TMC7: variants seen among roughly 807,000 people sequenced by gnomAD.
TMC7 encodes transmembrane channel like 7, also known as transmembrane channel-like protein 7.
Under a neutral mutation model 82.9 loss-of-function variants are expected in TMC7, and 54 were observed. That is an observed-to-expected ratio of 0.65 (90% CI 0.52 to 0.82). The LOEUF (loss-of-function observed/expected upper bound fraction) is 0.82, where lower values mean the gene tolerates loss of function less well. Ranked by LOEUF, TMC7 falls within the 40% of genes least tolerant of loss-of-function variation. The pLI is 0.00. For missense variants in TMC7, 820 were observed against 901.2 expected (o/e 0.91, Z 1.15); for synonymous variants, 350 against 337.9 (o/e 1.04, Z -0.39).
rs1959979324 is a variant in TMC7, at chr16:19,021,626, C to A, written c.461-3C>A. On this transcript the variant is annotated splice_polypyrimidine_tract_variant and splice_region_variant and intron_variant, in intron 3 of 15. Coordinates refer to ENST00000304381, the MANE Select transcript of TMC7 (RefSeq NM_024847.4). ...CAGTGATGTCCGGGTTTGTTTTTTC[C>A]AGGGAAATTTGGCACTGGGATTCAG... is the stretch of plus-strand genomic sequence containing the variant. The A allele has an allele frequency of 6.2e-7, 1 of 1,613,530 alleles. No individual in the cohort carries two copies. Among genetic ancestry groups the A allele is most frequent in the Non-Finnish European group, 8.5e-7 (1 of 1,179,856 alleles).
intron 1 of TMC7, among the ~76,000 whole-genome samples, chr16:19,004,433 C>T (rs528154329): frequency 2.2e-4 from 34 of 151,922 alleles, no homozygotes; most frequent in Non-Finnish European, 3.7e-4. Context: ...GGCGTGATCT[C>T]GGCTCACTGC....
At chr16:19,045,587 CTTTCTTT>C (rs1221159039) in intron 11 of TMC7, 149 bp downstream of exon 11, 2 of 397,136 alleles carry the variant, frequency 5.0e-6, no homozygotes, top group Non-Finnish European at 8.8e-6. Flanking sequence ...CAACTGGTAA[CTTTCTTT>C]TTTTTTTTTT....
intron 1 of TMC7, among the ~76,000 whole-genome samples, chr16:18,985,693 G>A (rs531002295): frequency 3.2e-4 from 45 of 141,928 alleles, no homozygotes; most frequent in African/African-American, 1.1e-3. Flanking sequence ...CCCTTAGATA[G>A]ATGAGTTTTT....
intron 1 of TMC7, among the ~76,000 whole-genome samples, chr16:19,006,417 C>T (rs2039242130): frequency 6.6e-6 from 1 of 152,164 alleles, no homozygotes; most frequent in African/African-American, 2.4e-5. Flanking sequence ...CTCCCAACCT[C>T]AGGTGATCCC....
chr16:19,053,257 C>T (rs188445667), intron 13 of TMC7, among the ~76,000 whole-genome samples: 26 of 151,590 alleles, frequency 1.7e-4, no homozygotes, highest in African/African-American at 3.4e-4. Flanking sequence ...TTTAAGAAAA[C>T]GTGAGATAAT....
intron 13 of TMC7, 26 bp downstream of exon 13, chr16:19,051,842 C>T: frequency 6.2e-7 from 1 of 1,612,138 alleles, no homozygotes; most frequent in Non-Finnish European, 8.5e-7. Flanking sequence ...TTTTCTAGAA[C>T]ATTTCATTGC....
intron 1 of TMC7, among the ~76,000 whole-genome samples, chr16:19,005,015 G>T (rs1215387025): frequency 6.6e-6 from 1 of 151,736 alleles, no homozygotes; most frequent in Non-Finnish European, 1.5e-5. Flanking sequence ...CTAAAGAGTA[G>T]TTCGGAGTAT....
chr16:19,037,069 C>G (rs1381517677), intron 7 of TMC7, among the ~76,000 whole-genome samples: 1 of 152,100 alleles, frequency 6.6e-6, no homozygotes, highest in African/African-American at 2.4e-5. Context: ...ATAGGAGGTT[C>G]TGTCTTTACT....
intron 3 of TMC7, among the ~76,000 whole-genome samples, chr16:19,019,405 C>T (rs1184071117): frequency 6.6e-6 from 1 of 152,208 alleles, no homozygotes; most frequent in Non-Finnish European, 1.5e-5. Context: ...ACCATGCACT[C>T]ATACTTTTTC....
At chr16:19,023,060 G>A (rs1451875987) in intron 4 of TMC7, 53 bp from the exon 5 acceptor site, 11 of 1,175,748 alleles carry the variant, frequency 9.4e-6, no homozygotes, top group Non-Finnish European at 1.4e-5. Flanking sequence ...AACCAGGCAG[G>A]TTATAGAGAC....
intron 11 of TMC7, 29 bp downstream of exon 11, chr16:19,045,467 C>A (rs571210961): frequency 1.0e-5 from 15 of 1,478,396 alleles, no homozygotes; most frequent in South Asian, 4.5e-5. Context: ...CATATTATCC[C>A]CCCCACCACA....
intron 6 of TMC7, among the ~76,000 whole-genome samples, chr16:19,032,652 G>A (rs917126154): frequency 1.3e-5 from 2 of 151,884 alleles, no homozygotes; most frequent in Non-Finnish European, 2.9e-5. Flanking sequence ...TTTTCAAGAC[G>A]AGTCTTGCTC....
At chr16:19,057,625 C>T (rs1000219506) in intron 14 of TMC7, among the ~76,000 whole-genome samples, 1 of 152,262 alleles carries the variant, frequency 6.6e-6, no homozygotes, top group South Asian at 2.1e-4. Flanking sequence ...AGCCGCTTCA[C>T]CCTAATGGGT....
At chr16:19,042,458 T>C (rs1408632425) in intron 9 of TMC7, among the ~76,000 whole-genome samples, 4 of 151,494 alleles carry the variant, frequency 2.6e-5, no homozygotes, top group Non-Finnish European at 4.4e-5. Context: ...TACAGGCTTA[T>C]GAGCCACCAT....
chr16:18,988,785 C>T (rs2038898366), intron 1 of TMC7, among the ~76,000 whole-genome samples: 2 of 152,112 alleles, frequency 1.3e-5, no homozygotes, highest in Non-Finnish European at 2.9e-5. Context: ...CACAGTGCCT[C>T]ACACCTGTAA....
At chr16:18,997,495 A>G (rs1345525172) in intron 1 of TMC7, among the ~76,000 whole-genome samples, 6 of 151,516 alleles carry the variant, frequency 4.0e-5, no homozygotes, top group African/African-American at 1.5e-4. Flanking sequence ...TTAGCCCCCC[A>G]AGTAGCTGGG....
intron 12 of TMC7, 67 bp from the exon 13 acceptor site, chr16:19,051,619 G>C: frequency 1.9e-6 from 3 of 1,571,298 alleles, no homozygotes; most frequent in Non-Finnish European, 2.6e-6. Context: ...ATGCAGGAAT[G>C]CACTTATTTA....
intron 9 of TMC7, among the ~76,000 whole-genome samples, chr16:19,042,149 C>T (rs141149224): frequency 1.5e-3 from 226 of 151,842 alleles, no homozygotes; most frequent in African/African-American, 5.1e-3. Flanking sequence ...GAGCAGAGGG[C>T]GTGGGTTCGC....
At chr16:19,007,651 CA>C (rs2039263793) in intron 1 of TMC7, among the ~76,000 whole-genome samples, 1 of 150,312 alleles carries the variant, frequency 6.7e-6, no homozygotes, top group African/African-American at 2.5e-5. Context: ...GCCTGGGTGA[CA>C]GAGCGAGACT....
Sources: gnomAD v4.1 joint callset for allele counts (sites outside exome capture counted in the v4.1 genomes callset) on GRCh38, gnomAD v4.1.1 for gene constraint, MANE v1.5 for transcripts, NCBI Gene and HGNC (gene_info 2026-07-23, HGNC 2026-07-21) for gene names.